ST7L: variants seen among roughly 807,000 people sequenced by gnomAD.
ST7L encodes suppressor of tumorigenicity 7 protein-like.
ST7L carries 57 observed loss-of-function variants against 72.5 expected under a neutral mutation model. That is an observed-to-expected ratio of 0.79 (90% confidence interval 0.64 to 0.98). ST7L has a LOEUF of 0.98. Among genes scored for constraint, ST7L ranks in the 50% least tolerant of loss-of-function variants. ST7L has a pLI of 0.00. For missense variants in ST7L, 576 were observed against 672.2 expected (o/e 0.86, Z 1.58); for synonymous variants, 221 against 240.9 (o/e 0.92, Z 0.77).
At chr1:112,570,568 T>TACACACACACAC (rs199676111) in intron 11 of ST7L, among the ~76,000 whole-genome samples, 17 of 144,854 alleles carry the variant, frequency 1.2e-4, no homozygotes, top group Middle Eastern at 3.5e-3. Flanking sequence ...TATATATATA[T>TACACACACACAC]ATACACACAC....
At position 112,571,883 on chromosome 1, in the gene ST7L, T is replaced by C. The variant is rs964221384; in HGVS notation, c.1245+5103A>G. On this transcript the variant is annotated intron_variant, in intron 11 of 14. Transcript: ENST00000358039. ...ACAAATTTTTTGGTTTCCCATGACA[T>C]ATAAAATTTACTTTGCCCAGATCCA... 3.9e-5 allele frequency among the ~76,000 whole-genome samples: 6 copies of C among 152,312 alleles called. 1 individual carries two copies. Among genetic ancestry groups the C allele is most frequent in the Admixed American group, 2.6e-4 (4 of 15,294 alleles).
At chr1:112,601,021 T>C (rs563615121) in intron 3 of ST7L, among the ~76,000 whole-genome samples, 173 bp from the exon 4 acceptor site, 1 of 152,370 alleles carries the variant, frequency 6.6e-6, no homozygotes, top group Non-Finnish European at 1.5e-5. Context: ...TCCTTATTTC[T>C]GTCTCCATAG....
chr1:112,556,981 A>C (rs1423661652), intron 11 of ST7L, among the ~76,000 whole-genome samples: 8 of 128,206 alleles, frequency 6.2e-5, no homozygotes, highest in East Asian at 2.3e-4. Flanking sequence ...AAAAAAAAAA[A>C]AAACAAAAAA....
chr1:112,611,934 C>G (rs1486559941), intron 2 of ST7L, among the ~76,000 whole-genome samples: 1 of 142,788 alleles, frequency 7.0e-6, no homozygotes, highest in African/African-American at 2.6e-5. Flanking sequence ...TGCACCACTG[C>G]CCTCCAGCCT....
chr1:112,557,537 ATGT>A (rs1306676522), intron 11 of ST7L, among the ~76,000 whole-genome samples: 1 of 152,230 alleles, frequency 6.6e-6, no homozygotes, highest in African/African-American at 2.4e-5. Context: ...ATTATGAATA[ATGT>A]TGTTATAAAC....
chr1:112,580,381 G>A (rs1009942454), intron 9 of ST7L, among the ~76,000 whole-genome samples: 9 of 152,232 alleles, frequency 5.9e-5, no homozygotes, highest in Admixed American at 2.6e-4. Flanking sequence ...TTCAACTTCT[G>A]AGCTCAAGCA....
At chr1:112,619,224 T>A (rs1570689380), upstream of ST7L, 1 of 1,025,504 alleles carries the variant, frequency 9.8e-7, no homozygotes, top group East Asian at 2.6e-5. Context: ...GAAGGCTGAG[T>A]CCTGGGGAAC....
chr1:112,619,285 T>C (rs1670464762), upstream of ST7L: 2 of 642,610 alleles, frequency 3.1e-6, no homozygotes, highest in Non-Finnish European at 5.4e-6. Flanking sequence ...AGATTGGGGC[T>C]ACCTGTTCTT....
At chr1:112,610,788 C>A in intron 3 of ST7L, 53 bp downstream of exon 3, 1 of 1,587,216 alleles carries the variant, frequency 6.3e-7, no homozygotes, top group Non-Finnish European at 8.6e-7. Flanking sequence ...TCTCCCAGAG[C>A]CAAACTCAAT....
At chr1:112,533,326 A>ATT (rs11484138) in intron 14 of ST7L, among the ~76,000 whole-genome samples, 25 of 148,720 alleles carry the variant, frequency 1.7e-4, no homozygotes, top group East Asian at 2.0e-4. Flanking sequence ...ATTTTATTTT[A>ATT]TTTTTTTTTT....
intron 11 of ST7L, among the ~76,000 whole-genome samples, chr1:112,557,402 A>T (rs901466479): frequency 6.6e-6 from 1 of 152,218 alleles, no homozygotes; most frequent in Non-Finnish European, 1.5e-5. Flanking sequence ...AGTTTGTAGC[A>T]TGCATGGGTA....
At chr1:112,598,625 A>C (rs1360621877) in intron 4 of ST7L, among the ~76,000 whole-genome samples, 1 of 151,976 alleles carries the variant, frequency 6.6e-6, no homozygotes, top group Non-Finnish European at 1.5e-5. Context: ...TAAAACGAAA[A>C]TTAAGGATTG....
intron 11 of ST7L, chr1:112,571,387 A>G (rs1205050868): frequency 6.6e-6 from 3 of 451,184 alleles, no homozygotes; most frequent in East Asian, 1.4e-4. Flanking sequence ...GTTAAAGTGT[A>G]TATGTGTGTA....
chr1:112,619,414 C>CG (rs1000459600), upstream of ST7L: 9 of 544,536 alleles, frequency 1.7e-5, no homozygotes, highest in Middle Eastern at 1.4e-3. Flanking sequence ...ACCGCCCCCC[C>CG]CCCGGGGTTG....
At chr1:112,617,756 C>CAAAA (rs1553176384) in intron 1 of ST7L, among the ~76,000 whole-genome samples, 19 of 145,538 alleles carry the variant, frequency 1.3e-4, no homozygotes, top group African/African-American at 4.7e-4. Context: ...CACACACACA[C>CAAAA]GAAACGTAAA....
At chr1:112,589,658 T>TA (rs1336931371) in intron 6 of ST7L, among the ~76,000 whole-genome samples, 1 of 152,206 alleles carries the variant, frequency 6.6e-6, no homozygotes, top group Non-Finnish European at 1.5e-5. Flanking sequence ...GGTGATTTGA[T>TA]AGAGGTTTCC....
At chr1:112,548,383 C>A (rs1557960482) in intron 13 of ST7L, among the ~76,000 whole-genome samples, 1 of 151,982 alleles carries the variant, frequency 6.6e-6, no homozygotes, top group Non-Finnish European at 1.5e-5. Flanking sequence ...AGAAGAGAAT[C>A]CTGGCCTTCA....
At chr1:112,560,444 C>G (rs929712636) in intron 11 of ST7L, among the ~76,000 whole-genome samples, 29 of 151,962 alleles carry the variant, frequency 1.9e-4, no homozygotes, top group African/African-American at 6.8e-4. Context: ...TTTTTCAATT[C>G]CTGATTAGAC....
chr1:112,571,200 AATT>A (rs1224777243), intron 11 of ST7L: 2 of 409,588 alleles, frequency 4.9e-6, no homozygotes, highest in Non-Finnish European at 9.6e-6. Context: ...AAACCTTAAT[AATT>A]ATTGTGTTTC....
Sources: gnomAD v4.1 joint callset for allele counts (sites outside exome capture counted in the v4.1 genomes callset) on GRCh38, gnomAD v4.1.1 for gene constraint, MANE v1.5 for transcripts, NCBI Gene and HGNC (gene_info 2026-07-23, HGNC 2026-07-21) for gene names.